PLEKHG1: variants seen among roughly 807,000 people sequenced by gnomAD.
The protein encoded by PLEKHG1 is pleckstrin homology domain-containing family G member 1.
PLEKHG1 carries 44 observed loss-of-function variants against 100.8 expected under a neutral mutation model. That is an observed-to-expected ratio of 0.44 (90% CI 0.34 to 0.56). The LOEUF (loss-of-function observed/expected upper bound fraction) is 0.56, where lower values mean the gene tolerates loss of function less well. PLEKHG1 is among the 20% of genes least tolerant of loss of function. The pLI, the probability that PLEKHG1 is intolerant of heterozygous loss-of-function variation, is 0.01. For missense variants in PLEKHG1, 1,545 were observed against 1,720.9 expected, an observed-to-expected ratio of 0.90 and a Z score of 1.81; for synonymous variants, 640 against 662.5, an observed-to-expected ratio of 0.97 and a Z score of 0.52.
At chr6:150,712,895 GAA>G (rs1319940599) in intron 3 of PLEKHG1, among the ~76,000 whole-genome samples, 11 of 152,206 alleles carry the variant, frequency 7.2e-5, no homozygotes, top group African/African-American at 2.4e-4. Flanking sequence ...AATTTTAATT[GAA>G]GGACAGTTTG....
chr6:150,806,072 T>C (rs1787073073), intron 7 of PLEKHG1, among the ~76,000 whole-genome samples: 1 of 151,906 alleles, frequency 6.6e-6, no homozygotes. Flanking sequence ...CTATACAGAG[T>C]GGCCTTGCCT....
chr6:150,789,531 C>T (rs1290803306), intron 4 of PLEKHG1, among the ~76,000 whole-genome samples: 1 of 152,156 alleles, frequency 6.6e-6, no homozygotes, highest in Non-Finnish European at 1.5e-5. Context: ...TCACAAAATG[C>T]ACAGAAATTC....
At chr6:150,750,325 G>A (rs1783433383) in intron 2 of PLEKHG1, among the ~76,000 whole-genome samples, 1 of 152,180 alleles carries the variant, frequency 6.6e-6, no homozygotes, top group Non-Finnish European at 1.5e-5. Flanking sequence ...GCACATGGGA[G>A]TCACCTGGGG....
intron 2 of PLEKHG1, among the ~76,000 whole-genome samples, chr6:150,734,980 ATTTTT>A (rs397888221): frequency 6.8e-5 from 7 of 102,890 alleles, no homozygotes; most frequent in Admixed American, 1.1e-4. Context: ...TCAAGGGCAG[ATTTTT>A]TTTTTTTTTT....
chr6:150,794,662 G>T (rs138150024), intron 4 of PLEKHG1, among the ~76,000 whole-genome samples: 1 of 151,652 alleles, frequency 6.6e-6, no homozygotes, highest in African/African-American at 2.4e-5. Context: ...GTGAGGCTCC[G>T]TCTCAAAAAA....
intron 2 of PLEKHG1, among the ~76,000 whole-genome samples, chr6:150,756,515 A>C (rs2128632041): frequency 6.6e-6 from 1 of 152,290 alleles, no homozygotes; most frequent in South Asian, 2.1e-4. Context: ...ATCTGCCTTG[A>C]CAAACCGCCC....
At chr6:150,822,891 A>G (rs961604806) in intron 13 of PLEKHG1, among the ~76,000 whole-genome samples, 2 of 152,232 alleles carry the variant, frequency 1.3e-5, no homozygotes, top group African/African-American at 4.8e-5. Flanking sequence ...GAGACACAAG[A>G]ATCGCTTGAA....
intron 3 of PLEKHG1, among the ~76,000 whole-genome samples, chr6:150,658,702 G>A (rs867825132): frequency 1.3e-5 from 2 of 152,104 alleles, no homozygotes; most frequent in African/African-American, 4.8e-5. Flanking sequence ...TTTTAGTACA[G>A]CCACATCACT....
exon 15 of PLEKHG1, chr6:150,830,719 C>T: frequency 6.2e-7 from 1 of 1,614,184 alleles, no homozygotes; most frequent in Non-Finnish European, 8.5e-7. Flanking sequence ...GGACCGATCA[C>T]CAGATCAGGC....
intron 3 of PLEKHG1, among the ~76,000 whole-genome samples, chr6:150,678,085 T>TATAA (rs998693647): frequency 7.8e-5 from 11 of 141,260 alleles, no homozygotes; most frequent in African/African-American, 2.8e-4. Flanking sequence ...TATATATATA[T>TATAA]ATATATATAT....
chr6:150,629,598 C>T (rs1777658758), intron 1 of PLEKHG1, among the ~76,000 whole-genome samples: 1 of 151,990 alleles, frequency 6.6e-6, no homozygotes, highest in Non-Finnish European at 1.5e-5. Flanking sequence ...GTAGCTGGGA[C>T]TACAGGCACG....
chr6:150,655,522 C>A (rs1400443169), intron 3 of PLEKHG1, among the ~76,000 whole-genome samples: 2 of 151,932 alleles, frequency 1.3e-5, no homozygotes, highest in Non-Finnish European at 2.9e-5. Flanking sequence ...TCCTGGCTAA[C>A]ACGATGAAAC....
chr6:150,745,794 T>G (rs1046007654), intron 2 of PLEKHG1, among the ~76,000 whole-genome samples: 9 of 151,962 alleles, frequency 5.9e-5, no homozygotes, highest in African/African-American at 2.2e-4. Flanking sequence ...GGAGGCATAG[T>G]TTTATACATG....
At chr6:150,640,335 G>A (rs764223103) in intron 2 of PLEKHG1, among the ~76,000 whole-genome samples, 1 of 152,076 alleles carries the variant, frequency 6.6e-6, no homozygotes, top group Non-Finnish European at 1.5e-5. Flanking sequence ...TTACTTCTCC[G>A]AGCAAATAGA....
chr6:150,613,464 C>T (rs896576641), intron 1 of PLEKHG1, among the ~76,000 whole-genome samples: 1 of 152,184 alleles, frequency 6.6e-6, no homozygotes, highest in African/African-American at 2.4e-5. Context: ...CACTTGTTGA[C>T]TAAATAAACA....
In PLEKHG1 at chr6:150,831,841, C is replaced by T. The variant is rs367687111; in HGVS notation, c.2730C>T (p.Ala910=). The T allele has an allele frequency of 2.5e-6, 4 of 1,612,442 alleles. No homozygotes were observed. Among genetic ancestry groups the T allele is most frequent in the East Asian group, 2.2e-5 (1 of 44,814 alleles). The change falls in exon 15 of 16, where the codon GCC becomes GCT. Residue 910 remains alanine, a synonymous_variant. Coordinates refer to ENST00000358517, the Ensembl canonical transcript of PLEKHG1. This position sits in a 1 kb window ranked among gnomAD's most constrained non-coding sequence, Gnocchi z 4.1. ...CCGTGAAGAGCAGGGCTGGCAGAGCCAGCCGCGCCAACTGCCCCTTTGAGG... is the reference window on the plus strand; with the variant it reads ...CCGTGAAGAGCAGGGCTGGCAGAGCTAGCCGCGCCAACTGCCCCTTTGAGG...
chr6:150,808,716 C>T (rs575313922), intron 7 of PLEKHG1, among the ~76,000 whole-genome samples: 1 of 152,086 alleles, frequency 6.6e-6, no homozygotes, highest in Non-Finnish European at 1.5e-5. Context: ...CGCGCCACTT[C>T]CCTCCAGCCT....
chr6:150,802,019 T>C (rs9371198), intron 6 of PLEKHG1, among the ~76,000 whole-genome samples: 30,352 of 152,186 alleles, frequency 0.2, 3,184 homozygotes, highest in East Asian at 0.37. Flanking sequence ...AAAGGAATTT[T>C]AATTCAGAGT....
intron 3 of PLEKHG1, among the ~76,000 whole-genome samples, chr6:150,692,997 G>C (rs1000154168): frequency 6.6e-6 from 1 of 152,174 alleles, no homozygotes; most frequent in African/African-American, 2.4e-5. Context: ...AACATAGAAG[G>C]CCTTAAATGT....
Sources: gnomAD v4.1 joint callset for allele counts (sites outside exome capture counted in the v4.1 genomes callset) on GRCh38, gnomAD v4.1.1 for gene constraint, Gnocchi (gnomAD v3.1) non-coding constraint, MANE v1.5 for transcripts, NCBI Gene and HGNC (gene_info 2026-07-23, HGNC 2026-07-21) for gene names.